Variants in TENM1 observed in about 807,000 individuals in gnomAD.
TENM1 encodes the protein teneurin-1.
Under a neutral mutation model 174.8 loss-of-function variants are expected in TENM1, and 35 were observed. The ratio of observed to expected loss-of-function variants is 0.20; its 90% CI spans 0.15 to 0.27. The LOEUF is 0.27. Among genes scored for constraint, TENM1 ranks in the 10% least tolerant of loss-of-function variants. TENM1 has a pLI of 1.00. For missense variants in TENM1, 1,633 were observed against 2,130.1 expected (o/e 0.77, Z 4.59); for synonymous variants, 781 against 798.7 (o/e 0.98, Z 0.37).
At chrX:124,520,962 GA>G (rs1056690666) in intron 17 of TENM1, among the ~76,000 whole-genome samples, 178 bp from the exon 21 acceptor site, 2 of 111,397 alleles carry the variant, frequency 1.8e-5, no homozygotes, top group African/African-American at 6.5e-5. Context: ...AATAGGTTTT[GA>G]ATTTTGCACC....
At chrX:124,377,835 C>A (rs190929172) in exon 32 of TENM1, 3 of 111,731 alleles carry the variant, frequency 2.7e-5, no homozygotes, top group African/African-American at 9.7e-5. Flanking sequence ...GAAATGCAAA[C>A]GAATTGTTCT....
chrX:125,104,822 C>A, the TENM1 span, among the ~76,000 whole-genome samples: 1 of 111,804 alleles, frequency 8.9e-6, no homozygotes, highest in Non-Finnish European at 1.9e-5. Flanking sequence ...ACATAACAAA[C>A]TACTTGGAGA....
At chrX:124,691,786 T>C (rs1313272219) in intron 5 of TENM1, among the ~76,000 whole-genome samples, 1 of 111,648 alleles carries the variant, frequency 9.0e-6, no homozygotes, top group Non-Finnish European at 1.9e-5. Flanking sequence ...TTATTTCCTT[T>C]CTTGTGTTTT....
chrX:124,529,865 T>G, exon 16 of TENM1: 1 of 1,211,293 alleles, frequency 8.3e-7, no homozygotes, highest in Non-Finnish European at 1.1e-6. Context: ...TTGACATACC[T>G]TCCATCTTGC....
At chrX:124,861,458 G>A (rs1270723254) in intron 3 of TENM1, among the ~76,000 whole-genome samples, 1 of 111,535 alleles carries the variant, frequency 9.0e-6, no homozygotes, top group East Asian at 2.8e-4. Flanking sequence ...CTCAAACTCC[G>A]ACATGATTCA....
chrX:124,915,504 GAC>G (rs2057907893), intron 1 of TENM1, among the ~76,000 whole-genome samples: 1 of 112,435 alleles, frequency 8.9e-6, no homozygotes, highest in Non-Finnish European at 1.9e-5. Flanking sequence ...TAGCCTATGT[GAC>G]AGAGTGAGAC....
At chrX:124,392,470 C>G in intron 27 of TENM1, 122 bp from the exon 31 acceptor site, 5 of 528,278 alleles carry the variant, frequency 9.5e-6, no homozygotes, top group South Asian at 3.3e-5. Context: ...TCTGAAGCCT[C>G]ACGGCTTCAC....
chrX:125,084,043 A>G, the TENM1 span, among the ~76,000 whole-genome samples: 1 of 111,680 alleles, frequency 9.0e-6, no homozygotes, highest in African/African-American at 3.2e-5. Flanking sequence ...ACAGGGTTTC[A>G]AACAATATAG....
intron 22 of TENM1, among the ~76,000 whole-genome samples, chrX:124,461,396 G>T (rs1323412771): frequency 9.0e-6 from 1 of 111,454 alleles, no homozygotes; most frequent in Non-Finnish European, 1.9e-5. Flanking sequence ...TACTACTACT[G>T]GGTATATATA....
chrX:124,619,750 C>T (rs2050475712), intron 11 of TENM1, among the ~76,000 whole-genome samples: 1 of 111,774 alleles, frequency 8.9e-6, no homozygotes. Flanking sequence ...ATTTTTATTT[C>T]CCCGATAACT....
At chrX:124,680,382 T>G in intron 5 of TENM1, among the ~76,000 whole-genome samples, 1 of 111,614 alleles carries the variant, frequency 9.0e-6, no homozygotes, top group Non-Finnish European at 1.9e-5. Flanking sequence ...ATCTTAAAAC[T>G]TTCATTTACT....
intron 21 of TENM1, among the ~76,000 whole-genome samples, chrX:124,483,158 T>A (rs1322152052): frequency 8.9e-6 from 1 of 112,093 alleles, no homozygotes; most frequent in Admixed American, 9.5e-5. Flanking sequence ...TCTTGGTGTG[T>A]TAGCCAAGCC....
chrX:124,975,597 C>A, the TENM1 span, among the ~76,000 whole-genome samples: 1 of 111,798 alleles, frequency 8.9e-6, no homozygotes, highest in African/African-American at 3.2e-5. Flanking sequence ...GTATCTGTAA[C>A]CTCCTCAAGT....
At chrX:124,863,772 G>A (rs1372775897) in intron 3 of TENM1, among the ~76,000 whole-genome samples, 1 of 112,497 alleles carries the variant, frequency 8.9e-6, no homozygotes, top group Non-Finnish European at 1.9e-5. Context: ...CAGTAGCCAG[G>A]GAATGGTTAA....
chrX:124,475,793 C>T (rs139094344), intron 22 of TENM1, among the ~76,000 whole-genome samples: 1,280 of 111,072 alleles, frequency 0.012, 20 homozygotes, highest in African/African-American at 0.039. Context: ...TTTGCTCCAG[C>T]GCATTTATTA....
At chrX:124,406,443 C>T (rs1322623870) in exon 26 of TENM1, 2 of 1,206,637 alleles carry the variant, frequency 1.7e-6, no homozygotes, top group Non-Finnish European at 2.2e-6. Flanking sequence ...CTGCTGACCT[C>T]TCCAGTGGGA....
intron 11 of TENM1, among the ~76,000 whole-genome samples, chrX:124,607,346 T>TTGCTA (rs2050183586): frequency 9.0e-6 from 1 of 110,560 alleles, no homozygotes; most frequent in Non-Finnish European, 1.9e-5. Flanking sequence ...AGGTGGGTAG[T>TTGCTA]TGCTATTTTA....
intron 1 of TENM1, among the ~76,000 whole-genome samples, chrX:124,920,360 C>T (rs927962311): frequency 9.0e-6 from 1 of 111,050 alleles, no homozygotes; most frequent in African/African-American, 3.3e-5. Context: ...ATCTACTTAA[C>T]TTTTTTTCAT....
chrX:124,390,863 T>A (rs2060274904), intron 28 of TENM1, among the ~76,000 whole-genome samples: 2 of 112,209 alleles, frequency 1.8e-5, no homozygotes, highest in Admixed American at 1.9e-4. Flanking sequence ...AGGAAAGACC[T>A]GCTCTATAAG....
Sources: allele counts gnomAD v4.1 joint callset (sites outside exome capture counted in the v4.1 genomes callset), GRCh38; gene constraint gnomAD v4.1.1; transcripts MANE v1.5; gene names NCBI Gene and HGNC (gene_info 2026-07-23, HGNC 2026-07-21).